Variants in MAGI2 observed in about 807,000 individuals in gnomAD.
The protein encoded by MAGI2 is membrane associated guanylate kinase, WW and PDZ domain containing 2.
Under a neutral mutation model 133.3 loss-of-function variants are expected in MAGI2, and 35 were observed. The ratio of observed to expected loss-of-function variants is 0.26; its 90% confidence interval spans 0.20 to 0.35. The LOEUF (loss-of-function observed/expected upper bound fraction) is 0.35, where lower values mean the gene tolerates loss of function less well. MAGI2 is among the 10% of genes least tolerant of loss of function. The probability of loss-of-function intolerance (pLI) is 1.00; values close to 1 mark genes in which losing one functional copy is unlikely to be tolerated. For synonymous variants in MAGI2, 729 were observed against 710.6 expected (o/e 1.03, Z -0.41); for missense variants, 1,636 against 1,863.4 (o/e 0.88, Z 2.25).
intron 1 of MAGI2, among the ~76,000 whole-genome samples, chr7:79,434,327 A>G (rs1267353552): frequency 6.6e-6 from 1 of 152,168 alleles, no homozygotes; most frequent in East Asian, 1.9e-4. Flanking sequence ...GAATCACAGA[A>G]GGTATAGATT....
intron 21 of MAGI2, chr7:78,026,146 A>G (rs1274822081): frequency 6.6e-6 from 1 of 152,538 alleles, no homozygotes; most frequent in African/African-American, 2.4e-5. Flanking sequence ...ATATCAGTAT[A>G]TATACACACA....
rs144363942 is a variant in MAGI2 at position 79,369,220 on chromosome 7, T to C, written c.301+83800A>G. ...AAAACGACTTCTTATGAGGTCCCAG[T>C]GAATAAAGACAAGAGCATTGTTTTT... is the stretch of plus-strand genomic sequence containing the variant. On this transcript the variant is annotated intron_variant, in intron 1 of 21. Transcript: ENST00000354212. 3.9e-4 allele frequency among the ~76,000 whole-genome samples: 60 copies of C among 152,284 alleles called. No individual in the cohort carries two copies. The East Asian group carries it at 0.01, about 27-fold the overall frequency.
intron 10 of MAGI2, among the ~76,000 whole-genome samples, chr7:78,208,728 T>G (rs1787391323): frequency 6.6e-6 from 1 of 151,974 alleles, no homozygotes; most frequent in South Asian, 2.1e-4. Flanking sequence ...TCTAGAAAGA[T>G]TTTAAAGTAA....
At chr7:78,721,827 T>G (rs967675622) in intron 2 of MAGI2, among the ~76,000 whole-genome samples, 20 of 151,862 alleles carry the variant, frequency 1.3e-4, no homozygotes, top group African/African-American at 4.8e-4. Flanking sequence ...AAAATAATAA[T>G]TTTTATTTTC....
At chr7:79,220,499 A>G (rs145511749) in intron 1 of MAGI2, among the ~76,000 whole-genome samples, 38 of 152,022 alleles carry the variant, frequency 2.5e-4, no homozygotes, top group African/African-American at 8.7e-4. Flanking sequence ...CCTCACTCTC[A>G]CACACACAGG....
At chr7:78,261,180 A>C (rs1793483537) in intron 9 of MAGI2, among the ~76,000 whole-genome samples, 1 of 152,174 alleles carries the variant, frequency 6.6e-6, no homozygotes, top group Non-Finnish European at 1.5e-5. Context: ...TCTCTTGATC[A>C]GCTGTTTAAG....
rs572370719 is a variant in MAGI2, at chr7:79,180,635, G to A, written c.302-173429C>T. 1.3e-4 allele frequency among the ~76,000 whole-genome samples: 20 copies of A among 151,880 alleles called. No homozygotes were observed. The South Asian group carries it at 2.9e-3, about 22-fold the overall frequency. On this transcript the variant is annotated intron_variant, in intron 1 of 21. Transcript: ENST00000354212. ...CCAAACCACATAATTCTGCCCCAGC[G>A]CCTCCCAAATCTCATGTCCTCACAT...
rs1808016941 is a variant in MAGI2 at position 78,019,071 on chromosome 7, G to A, written c.*244C>T. ...CTGTGATGTTCTTCACGTTATTTTGGTTCTTCCATAGCTGCCAAAGCCCCC... is the reference window on the plus strand; with the variant it reads ...CTGTGATGTTCTTCACGTTATTTTGATTCTTCCATAGCTGCCAAAGCCCCC... On this transcript the variant is annotated 3_prime_UTR_variant, in exon 22 of 22. Coordinates refer to ENST00000354212, the MANE Select transcript of MAGI2 (RefSeq NM_012301.4). The A allele has an allele frequency of 2.2e-6, 1 of 454,936 alleles. No individual in the cohort carries two copies. The highest frequency in any genetic ancestry group is 3.5e-5 in the East Asian group (1 of 28,302). The allele number at this position is 454,936 out of a possible 1,614,324, so 28.2% of individuals were successfully genotyped here.
intron 2 of MAGI2, among the ~76,000 whole-genome samples, chr7:78,698,742 C>T (rs1563371614): frequency 6.6e-6 from 1 of 152,072 alleles, no homozygotes; most frequent in African/African-American, 2.4e-5. Flanking sequence ...CCAACACGTC[C>T]TTTTTCACGT....
intron 1 of MAGI2, among the ~76,000 whole-genome samples, chr7:79,408,532 G>A (rs1585872220): frequency 6.6e-6 from 1 of 152,038 alleles, no homozygotes; most frequent in Non-Finnish European, 1.5e-5. Context: ...GTTTCCATAA[G>A]TGAGGGATTA....
chr7:79,232,283 G>C (rs1423233468), intron 1 of MAGI2, among the ~76,000 whole-genome samples: 11 of 148,018 alleles, frequency 7.4e-5, no homozygotes, highest in South Asian at 4.4e-4. Flanking sequence ...GCCAGGCTTT[G>C]GTATCAGAAT....
At chr7:78,271,934 T>C (rs896931527) in intron 9 of MAGI2, among the ~76,000 whole-genome samples, 4 of 152,244 alleles carry the variant, frequency 2.6e-5, no homozygotes, top group Admixed American at 1.3e-4. Flanking sequence ...TTTTTGTGTC[T>C]CTATCTCCTT....
At chr7:79,112,926 T>C (rs570359509) in intron 1 of MAGI2, among the ~76,000 whole-genome samples, 2 of 152,354 alleles carry the variant, frequency 1.3e-5, no homozygotes, top group East Asian at 3.9e-4. Flanking sequence ...AAATGTAAGA[T>C]AGTTAAACTA....
chr7:79,258,788 C>T (rs1246836490), intron 1 of MAGI2, among the ~76,000 whole-genome samples: 1 of 151,770 alleles, frequency 6.6e-6, no homozygotes, highest in African/African-American at 2.4e-5. Flanking sequence ...TGCCTGCATG[C>T]TAGGCAAAAA....
chr7:78,656,371 A>G (rs900597581), intron 2 of MAGI2, among the ~76,000 whole-genome samples: 4 of 152,246 alleles, frequency 2.6e-5, no homozygotes, highest in African/African-American at 9.6e-5. Context: ...TAAAAAGTAG[A>G]TCCTTGCATT....
chr7:79,388,369 A>G (rs569280796), intron 1 of MAGI2, among the ~76,000 whole-genome samples: 1 of 152,070 alleles, frequency 6.6e-6, no homozygotes, highest in Non-Finnish European at 1.5e-5. Flanking sequence ...AGGTAATCAG[A>G]GAGAGTTCAA....
At chr7:78,633,228 CTGG>C (rs1809219895) in intron 2 of MAGI2, among the ~76,000 whole-genome samples, 5 of 152,108 alleles carry the variant, frequency 3.3e-5, no homozygotes, top group African/African-American at 1.2e-4. Context: ...ACAACAGATA[CTGG>C]GGTCTACTTG....
chr7:78,241,232 C>A (rs924002965), intron 10 of MAGI2, among the ~76,000 whole-genome samples: 12 of 151,966 alleles, frequency 7.9e-5, no homozygotes, highest in African/African-American at 2.4e-4. Context: ...TTTTGGGAAA[C>A]TGACAAAATA....
intron 2 of MAGI2, among the ~76,000 whole-genome samples, chr7:78,856,794 C>A (rs1326926277): frequency 6.6e-6 from 1 of 152,130 alleles, no homozygotes; most frequent in Non-Finnish European, 1.5e-5. Context: ...TGAAGAAAGT[C>A]ATTGGTAGCT....
Sources: allele counts gnomAD v4.1 joint callset (sites outside exome capture counted in the v4.1 genomes callset), GRCh38; gene constraint gnomAD v4.1.1; transcripts MANE v1.5; gene names NCBI Gene and HGNC (gene_info 2026-07-23, HGNC 2026-07-21).